The following TMTC1 variants were observed in gnomAD, a reference collection of about 807,000 sequenced individuals.
The protein encoded by TMTC1 is protein O-mannosyl-transferase TMTC1.
TMTC1 carries 73 observed loss-of-function variants against 104.8 expected under a neutral mutation model. The observed-to-expected ratio is 0.70, with a 90% CI of 0.58 to 0.85. TMTC1 has a LOEUF of 0.85. Among genes scored for constraint, TMTC1 ranks in the 40% least tolerant of loss-of-function variants. TMTC1 has a pLI of 0.00. For synonymous variants in TMTC1, 434 were observed against 428.7 expected (o/e 1.01, Z -0.15); for missense variants, 1,035 against 1,096.1 (o/e 0.94, Z 0.79).
intron 5 of TMTC1, among the ~76,000 whole-genome samples, chr12:29,747,604 C>CA (rs1377883736): frequency 4.6e-5 from 7 of 152,216 alleles, no homozygotes; most frequent in African/African-American, 9.6e-5. Flanking sequence ...TGAACAACAA[C>CA]AAAAAAATCG....
At chr12:29,684,579 TTTTA>T (rs1941032070) in intron 5 of TMTC1, among the ~76,000 whole-genome samples, 1 of 152,274 alleles carries the variant, frequency 6.6e-6, no homozygotes, top group East Asian at 1.9e-4. Flanking sequence ...ATCAGGAGCT[TTTTA>T]TTTCTTTTTA....
intron 5 of TMTC1, among the ~76,000 whole-genome samples, chr12:29,721,983 C>CT (rs1291739528): frequency 6.6e-6 from 1 of 152,076 alleles, no homozygotes; most frequent in Non-Finnish European, 1.5e-5. Context: ...TAACATCTGG[C>CT]TTAATAGATG....
intron 5 of TMTC1, among the ~76,000 whole-genome samples, chr12:29,715,625 A>AT (rs1273561808): frequency 5.3e-5 from 8 of 152,256 alleles, no homozygotes; most frequent in Admixed American, 5.2e-4. Flanking sequence ...TTAGCTTGGC[A>AT]TTTGTATTAG....
At chr12:29,550,054 C>T (rs1945053166) in intron 10 of TMTC1, among the ~76,000 whole-genome samples, 1 of 151,696 alleles carries the variant, frequency 6.6e-6, no homozygotes, top group Non-Finnish European at 1.5e-5. Flanking sequence ...TTTCCAAGCT[C>T]AATCCTATGT....
chr12:29,612,417 A>T (rs565173275), intron 6 of TMTC1, among the ~76,000 whole-genome samples: 13 of 151,668 alleles, frequency 8.6e-5, no homozygotes, highest in South Asian at 2.1e-4. Context: ...TTAAAAAAAA[A>T]TTTTTTTTTG....
At chr12:29,664,590 A>G (rs2136657562) in intron 5 of TMTC1, among the ~76,000 whole-genome samples, 1 of 152,366 alleles carries the variant, frequency 6.6e-6, no homozygotes, top group African/African-American at 2.4e-5. Context: ...AATAATAAAA[A>G]TAGCAACAAC....
intron 5 of TMTC1, among the ~76,000 whole-genome samples, chr12:29,738,359 T>A (rs985412605): frequency 1.3e-5 from 2 of 152,212 alleles, no homozygotes; most frequent in Non-Finnish European, 2.9e-5. Context: ...CTAGTCAACA[T>A]ACTATTTTCC....
intron 5 of TMTC1, among the ~76,000 whole-genome samples, chr12:29,737,885 A>C (rs1942723356): frequency 6.6e-6 from 1 of 152,188 alleles, no homozygotes; most frequent in Non-Finnish European, 1.5e-5. Flanking sequence ...TAGGCATTCC[A>C]CAGGGACTCC....
At chr12:29,692,720 C>T (rs1228620287) in intron 5 of TMTC1, among the ~76,000 whole-genome samples, 1 of 144,828 alleles carries the variant, frequency 6.9e-6, no homozygotes, top group African/African-American at 2.5e-5. Context: ...TCACGACAGC[C>T]CCAAATGAAA....
Position 29,751,536 on chromosome 12 carries a change from G to A in TMTC1, c.938+130C>T, listed in dbSNP as rs1943089711. On this transcript the variant is annotated intron_variant, in intron 5 of 17. Transcript: ENST00000539277. ...AATAGGGACAGGAAGAAGGGGGTAA[G>A]GAGGGAAGCATGAAGAGAGGGAGGT... is the stretch of plus-strand genomic sequence containing the variant. 3.3e-6 allele frequency: 3 copies of A among 902,054 alleles called. No individual in the cohort carries two copies. The South Asian group carries it at 4.1e-5, about 12-fold the overall frequency. The allele number at this position is 902,054 out of a possible 1,614,324, so 55.9% of individuals were successfully genotyped here. A position where few individuals can be genotyped will look rare whatever the true frequency, so the allele number is the denominator to read the frequency against.
chr12:29,748,657 A>G (rs1943015261), intron 5 of TMTC1, among the ~76,000 whole-genome samples: 1 of 152,218 alleles, frequency 6.6e-6, no homozygotes, highest in African/African-American at 2.4e-5. Context: ...GGATAGAATA[A>G]CACATGGGAC....
At chr12:29,575,391 G>A (rs1379819808) in intron 8 of TMTC1, among the ~76,000 whole-genome samples, 1 of 151,984 alleles carries the variant, frequency 6.6e-6, no homozygotes, top group Non-Finnish European at 1.5e-5. Context: ...TTAATTTCAA[G>A]GTCAGATTAA....
chr12:29,515,203 T>C (rs1324484164), intron 15 of TMTC1, among the ~76,000 whole-genome samples: 1 of 152,150 alleles, frequency 6.6e-6, no homozygotes, highest in East Asian at 1.9e-4. Flanking sequence ...ACGTTTTCCC[T>C]GACCATGTGT....
At chr12:29,760,022 A>G (rs1035621375) in intron 2 of TMTC1, among the ~76,000 whole-genome samples, 1 of 152,208 alleles carries the variant, frequency 6.6e-6, no homozygotes. Flanking sequence ...TCTATTGTAT[A>G]TTTTCTATGT....
intron 1 of TMTC1, among the ~76,000 whole-genome samples, chr12:29,777,725 T>C (rs562368730): frequency 3.3e-5 from 5 of 152,304 alleles, no homozygotes; most frequent in African/African-American, 1.2e-4. Context: ...TTTTTCTTTA[T>C]AAAATTTTTC....
chr12:29,552,386 T>A (rs987231776), intron 10 of TMTC1, among the ~76,000 whole-genome samples: 3 of 152,220 alleles, frequency 2.0e-5, no homozygotes, highest in Non-Finnish European at 4.4e-5. Flanking sequence ...TACATTAGGG[T>A]TAAATAAATA....
intron 5 of TMTC1, among the ~76,000 whole-genome samples, chr12:29,663,255 C>T (rs1940117491): frequency 6.6e-6 from 1 of 152,164 alleles, no homozygotes; most frequent in Admixed American, 6.5e-5. Flanking sequence ...CTGGTTATTT[C>T]TGCTGTTCCT....
chr12:29,778,774 C>A (rs1355977238), intron 1 of TMTC1, among the ~76,000 whole-genome samples: 1 of 152,184 alleles, frequency 6.6e-6, no homozygotes. Context: ...CCAGAGCCAC[C>A]ATGAGTGATT....
chr12:29,618,192 C>T (rs1015599150), intron 6 of TMTC1, among the ~76,000 whole-genome samples: 1 of 151,992 alleles, frequency 6.6e-6, no homozygotes, highest in African/African-American at 2.4e-5. Flanking sequence ...AAAGGAAATC[C>T]CCCAAATTTT....
Sources: allele counts gnomAD v4.1 joint callset (sites outside exome capture counted in the v4.1 genomes callset), GRCh38; gene constraint gnomAD v4.1.1; transcripts MANE v1.5; gene names NCBI Gene and HGNC (gene_info 2026-07-23, HGNC 2026-07-21).